SORCS2: variants seen among roughly 807,000 people sequenced by gnomAD.
SORCS2 encodes the protein sortilin related VPS10 domain containing receptor 2.
Under a neutral mutation model 141.6 loss-of-function variants are expected in SORCS2, and 100 were observed. That is an observed-to-expected ratio of 0.71 (90% CI 0.60 to 0.83). The LOEUF is 0.83. SORCS2 is among the 40% of genes least tolerant of loss of function. The pLI is 0.00. For synonymous variants in SORCS2, 789 were observed against 676.9 expected, an observed-to-expected ratio of 1.17 and a Z score of -2.57; for missense variants, 1,646 against 1,560.2, an observed-to-expected ratio of 1.05 and a Z score of -0.93.
chr4:7,551,832 G>A (rs1344629609), intron 3 of SORCS2, among the ~76,000 whole-genome samples: 2 of 152,228 alleles, frequency 1.3e-5, no homozygotes, highest in African/African-American at 4.8e-5. Context: ...GTCCCAGTTT[G>A]TGAAAGGAGA....
intron 3 of SORCS2, among the ~76,000 whole-genome samples, chr4:7,604,359 C>G (rs1452586422): frequency 6.6e-6 from 1 of 152,218 alleles, no homozygotes; most frequent in Non-Finnish European, 1.5e-5. Flanking sequence ...GCTCTGTCGC[C>G]CAGGCTGGAG....
At chr4:7,438,756 A>G (rs2109251945) in intron 2 of SORCS2, among the ~76,000 whole-genome samples, 1 of 151,976 alleles carries the variant, frequency 6.6e-6, no homozygotes, top group East Asian at 1.9e-4. Context: ...CTATAATCCA[A>G]CACACCTGTC....
At chr4:7,418,551 C>G (rs1725840033) in intron 2 of SORCS2, among the ~76,000 whole-genome samples, 1 of 152,144 alleles carries the variant, frequency 6.6e-6, no homozygotes, top group South Asian at 2.1e-4. Flanking sequence ...ATCATTGTCT[C>G]CACTCCACGA....
At chr4:7,706,470 G>C (rs1249336553) in intron 14 of SORCS2, among the ~76,000 whole-genome samples, 2 of 126,100 alleles carry the variant, frequency 1.6e-5, no homozygotes, top group East Asian at 2.3e-4. Context: ...ATGAGGCTGG[G>C]CTCTGCCTGG....
At chr4:7,198,349 C>T (rs1727288155) in intron 1 of SORCS2, among the ~76,000 whole-genome samples, 4 of 152,256 alleles carry the variant, frequency 2.6e-5, no homozygotes, top group South Asian at 2.1e-4. Flanking sequence ...GCCTCGTGTC[C>T]GATGCTTGTG....
intron 2 of SORCS2, among the ~76,000 whole-genome samples, chr4:7,453,769 T>A (rs1194228125): frequency 7.4e-5 from 8 of 107,936 alleles, no homozygotes; most frequent in Non-Finnish European, 1.5e-4. Flanking sequence ...TGTGTTGGGG[T>A]CAGGTGCTGT....
intron 1 of SORCS2, among the ~76,000 whole-genome samples, chr4:7,269,399 T>A (rs1367131245): frequency 2.0e-5 from 3 of 152,216 alleles, no homozygotes; most frequent in Admixed American, 1.3e-4. Context: ...CAAAAAGAGA[T>A]GTCCGTATCC....
At chr4:7,728,612 T>C (rs909363075) in intron 22 of SORCS2, 150 bp downstream of exon 22, 5 of 604,516 alleles carry the variant, frequency 8.3e-6, no homozygotes, top group African/African-American at 5.6e-5. Context: ...CTGGGGATGT[T>C]GAAAGCTATG....
At chr4:7,591,967 C>T (rs1366364002) in intron 3 of SORCS2, among the ~76,000 whole-genome samples, 1 of 152,096 alleles carries the variant, frequency 6.6e-6, no homozygotes, top group Non-Finnish European at 1.5e-5. Flanking sequence ...AGCCGACCAA[C>T]AGAAAATCCC....
Position 7,192,895 on chromosome 4 carries a change from C to T in SORCS2, c.249C>T (p.Asp83=). 8.7e-7 allele frequency: 1 copy of T among 1,146,734 alleles called. No individual in the cohort carries two copies. Among genetic ancestry groups the T allele is most frequent in the South Asian group, 4.2e-5 (1 of 23,964 alleles). The allele number at this position is 1,146,734 out of a possible 1,614,324, so 71.0% of individuals were successfully genotyped here. A position where few individuals can be genotyped will look rare whatever the true frequency, so the allele number is the denominator to read the frequency against. The change falls in exon 1 of 27, where the codon GAC becomes GAT. Residue 83 remains aspartate, a synonymous_variant. Transcript: ENST00000507866. The surrounding 1 kb of genome is among the most constrained non-coding windows in gnomAD (Gnocchi z 4.0). ...AGRAEPGGGE[D]RQARGTEPGA... ...GCGCGGAGCCCGGTGGCGGCGAGGA[C>T]CGGCAGGCGCGCGGCACGGAGCCAG...
intron 8 of SORCS2, among the ~76,000 whole-genome samples, chr4:7,669,123 C>A (rs911333544): frequency 3.9e-5 from 6 of 152,188 alleles, no homozygotes; most frequent in African/African-American, 1.4e-4. Flanking sequence ...TGACAGTGTG[C>A]ATTTTACACT....
Position 7,654,212 on chromosome 4 carries a change from G to A in SORCS2, c.887+5G>A. 7 of 1,570,418 alleles carry A rather than the reference G, an allele frequency of 4.5e-6. No individual in the cohort carries two copies. The highest frequency in any genetic ancestry group is 6.1e-6 in the Non-Finnish European group (7 of 1,156,302). On this transcript the variant is annotated splice_donor_5th_base_variant and intron_variant, in intron 5 of 26. Transcript: ENST00000507866. ...GACCAAAGACCACGTGTTCTGGTGA[G>A]AGCACTTCCCCACCCCAAACCCATG... is the stretch of plus-strand genomic sequence containing the variant.
chr4:7,470,103 G>A (rs989002204), intron 2 of SORCS2, among the ~76,000 whole-genome samples: 6 of 152,126 alleles, frequency 3.9e-5, no homozygotes, highest in Admixed American at 6.5e-5. Flanking sequence ...TGAGGAAAGG[G>A]GGCCCAGATT....
Position 7,714,515 on chromosome 4 carries a change from C to T in SORCS2, c.2123+142C>T, listed in dbSNP as rs545215486. ...TCACAGTCGCACACTGCCACTTCTG[C>T]CTCATTCCATCTGTTAGAACCAAGT... On this transcript the variant is annotated intron_variant, in intron 16 of 26. Transcript: ENST00000507866. The T allele has an allele frequency of 2.4e-4, 223 of 931,794 alleles. No homozygotes were observed. The African/African-American group carries it at 3.5e-3, about 15-fold the overall frequency. The allele number at this position is 931,794 out of a possible 1,614,324, so 57.7% of individuals were successfully genotyped here.
At position 7,548,206 on chromosome 4, in the gene SORCS2, G is replaced by T. The variant is rs1264922017; in HGVS notation, c.648+16577G>T. Among the ~76,000 whole-genome samples the T allele has an allele frequency of 2.0e-5, 3 of 152,120 alleles. No homozygotes were observed. In the East Asian group the frequency reaches 5.8e-4, roughly 29 times the overall value. ...TTGCTTTTTCAAAGTGACCCCCATC[G>T]CCAGCAAAGAGGAATGCTCCCGCGA... is the stretch of plus-strand genomic sequence containing the variant. On this transcript the variant is annotated intron_variant, in intron 3 of 26. Coordinates refer to ENST00000507866, the MANE Select transcript of SORCS2 (RefSeq NM_020777.3).
At chr4:7,223,674 A>G (rs1206576082) in intron 1 of SORCS2, among the ~76,000 whole-genome samples, 2 of 152,094 alleles carry the variant, frequency 1.3e-5, no homozygotes, top group African/African-American at 2.4e-5. Flanking sequence ...GAATCACAGC[A>G]TGGCCCGTGT....
chr4:7,449,707 G>A (rs1186246842), intron 2 of SORCS2, among the ~76,000 whole-genome samples: 1 of 152,042 alleles, frequency 6.6e-6, no homozygotes, highest in African/African-American at 2.4e-5. Flanking sequence ...GTTGGCCCTG[G>A]AGGGAAGCGG....
At chr4:7,200,983 T>C (rs1359238668) in intron 1 of SORCS2, among the ~76,000 whole-genome samples, 2 of 152,222 alleles carry the variant, frequency 1.3e-5, no homozygotes, top group African/African-American at 2.4e-5. Context: ...TCTGTGTGCC[T>C]AGCGCTGTTA....
At chr4:7,723,941 C>G (rs1002063317) in intron 19 of SORCS2, 58 bp downstream of exon 19, 1 of 1,489,152 alleles carries the variant, frequency 6.7e-7, no homozygotes, top group African/African-American at 1.4e-5. Flanking sequence ...GAGAACCTGG[C>G]TTTGGGGGAA....
Sources: allele counts gnomAD v4.1 joint callset (sites outside exome capture counted in the v4.1 genomes callset), GRCh38; gene constraint gnomAD v4.1.1; non-coding constraint Gnocchi (gnomAD v3.1); transcripts MANE v1.5; gene names NCBI Gene and HGNC (gene_info 2026-07-23, HGNC 2026-07-21).